CLEC2L: variants seen among roughly 807,000 people sequenced by gnomAD.
The protein encoded by CLEC2L is C-type lectin domain family 2 member L, also known as C-type lectin domain family 2, member L.
A neutral mutation model predicts 23.6 loss-of-function variants in CLEC2L; 14 were observed. That is an observed-to-expected ratio of 0.59 (90% CI 0.39 to 0.93). CLEC2L has a LOEUF of 0.93. CLEC2L is among the 40% of genes least tolerant of loss of function. The pLI, the probability that CLEC2L is intolerant of heterozygous loss-of-function variation, is 0.00. For synonymous variants in CLEC2L, 114 were observed against 121.3 expected (o/e 0.94, Z 0.40); for missense variants, 264 against 282.4 (o/e 0.93, Z 0.47).
Position 139,540,367 on chromosome 7 carries a change from G to A in CLEC2L, c.312G>A (p.Trp104Ter). ...IKCEAPCPED[W>*]LLYGRKCYFF... ...GCGAAGCGCCCTGCCCGGAGGACTG[G>A]CTGCTCTACGGAAGGAAGTGCTACT... Residue 104 changes from tryptophan (W) to a stop codon, truncating the protein, a stop_gained, in exon 3 of 5, where the codon TGG becomes TGA. Transcript: ENST00000422142. LOFTEE classifies it high-confidence loss of function. This position sits in a 1 kb window ranked among gnomAD's most constrained non-coding sequence, Gnocchi z 5.8. 1.2e-6 allele frequency: 2 copies of A among 1,611,864 alleles called. No individual in the cohort carries two copies. Among genetic ancestry groups the A allele is most frequent in the Non-Finnish European group, 1.7e-6 (2 of 1,179,282 alleles).
At chr7:139,537,047 C>A (rs1797669919) in intron 2 of CLEC2L, among the ~76,000 whole-genome samples, 1 of 147,822 alleles carries the variant, frequency 6.8e-6, no homozygotes, top group Non-Finnish European at 1.5e-5. Context: ...GTGTTAAGCT[C>A]TGGGCTAAGT....
chr7:139,535,356 C>T (rs1183709887), intron 1 of CLEC2L, among the ~76,000 whole-genome samples: 4 of 152,062 alleles, frequency 2.6e-5, no homozygotes, highest in Non-Finnish European at 4.4e-5. Flanking sequence ...AGGGTGGTTG[C>T]CCGGGGCTGG....
chr7:139,534,673 A>C, intron 1 of CLEC2L: 1 of 486,184 alleles, frequency 2.1e-6, no homozygotes, highest in African/African-American at 2.0e-5. Context: ...TACTCTAGCC[A>C]AGATTGGCTG....
intron 1 of CLEC2L, among the ~76,000 whole-genome samples, chr7:139,535,311 C>CAATTCA (rs1797637124): frequency 6.6e-6 from 1 of 152,132 alleles, no homozygotes; most frequent in African/African-American, 2.4e-5. Context: ...TATGAGATTC[C>CAATTCA]TAGAGTGGTC....
rs370711542 is a variant in CLEC2L, at chr7:139,529,485, G to C, written c.190+5368G>C. ...AAGAGGCTAATAGAAGGGAGAAGAA[G>C]GATGCACTCAGCATGCTCACCATAG... On this transcript the variant is annotated intron_variant, in intron 1 of 4. Coordinates refer to ENST00000422142, the MANE Select transcript of CLEC2L (RefSeq NM_001080511.4). Among the ~76,000 whole-genome samples, 55 of 152,304 alleles carry C rather than the reference G, an allele frequency of 3.6e-4. 1 individual carries two copies. The South Asian group carries it at 0.011, about 32-fold the overall frequency.
At chr7:139,534,636 C>T (rs908697082) in intron 1 of CLEC2L, 7 of 631,782 alleles carry the variant, frequency 1.1e-5, no homozygotes, top group Admixed American at 2.4e-5. Flanking sequence ...AGTTTTGTAT[C>T]ATAGTAATCC....
At chr7:139,532,725 CCT>C (rs1020057131) in intron 1 of CLEC2L, among the ~76,000 whole-genome samples, 1 of 152,144 alleles carries the variant, frequency 6.6e-6, no homozygotes, top group African/African-American at 2.4e-5. Flanking sequence ...ACCAGAACTT[CCT>C]CTCTCCGCTA....
intron 1 of CLEC2L, among the ~76,000 whole-genome samples, chr7:139,524,408 G>A (rs1475880314): frequency 6.6e-6 from 1 of 152,248 alleles, no homozygotes; most frequent in South Asian, 2.1e-4. Context: ...GTCTCCTCAC[G>A]CATGAAGGGG....
rs1797716476 is a variant in CLEC2L, at chr7:139,540,352, C to G, written c.297C>G (p.Pro99=). The change falls in exon 3 of 5, where the codon CCC becomes CCG. Residue 99 remains proline (P), a synonymous_variant. Transcript: ENST00000422142. This position sits in a 1 kb window ranked among gnomAD's most constrained non-coding sequence, Gnocchi z 5.8. ...ASKGCIKCEA[P]CPEDWLLYGR... is the part of the protein sequence containing the mutation. ...AGGGCTGCATCAAGTGCGAAGCGCC[C>G]TGCCCGGAGGACTGGCTGCTCTACG... is the stretch of plus-strand genomic sequence containing the variant. 5.0e-6 allele frequency: 8 copies of G among 1,611,688 alleles called. No homozygotes were observed. The East Asian group carries it at 1.8e-4, about 36-fold the overall frequency.
At chr7:139,536,228 C>A (rs529262325) in intron 1 of CLEC2L, 46 bp from the exon 2 acceptor site, 3 of 1,452,350 alleles carry the variant, frequency 2.1e-6, no homozygotes, top group South Asian at 2.5e-5. Flanking sequence ...GTGGGACTGG[C>A]GGTGGGATGG....
At chr7:139,528,153 C>T (rs1797531166) in intron 1 of CLEC2L, among the ~76,000 whole-genome samples, 1 of 152,008 alleles carries the variant, frequency 6.6e-6, no homozygotes, top group Non-Finnish European at 1.5e-5. Flanking sequence ...GAATTGTGTC[C>T]CTACCAAAAA....
At chr7:139,541,180 TG>T (rs1485314277) in intron 3 of CLEC2L, among the ~76,000 whole-genome samples, 1 of 152,076 alleles carries the variant, frequency 6.6e-6, no homozygotes, top group Non-Finnish European at 1.5e-5. Context: ...GGCTACTTTT[TG>T]TATTTTTAGT....
chr7:139,537,588 T>G (rs1257895300), intron 2 of CLEC2L, among the ~76,000 whole-genome samples: 1 of 152,080 alleles, frequency 6.6e-6, no homozygotes, highest in Non-Finnish European at 1.5e-5. Context: ...CCTCCCTGGT[T>G]TAGGGTGGGC....
rs1048844525 is a variant in CLEC2L at position 139,526,274 on chromosome 7, G to A, written c.190+2157G>A. ...GAAAGGTGTCCCAGACCCAGAGCAC[G>A]ATGTGTTCTGGGCCAGGTGGCCAGA... On this transcript the variant is annotated intron_variant, in intron 1 of 4. Transcript: ENST00000422142. 3.4e-4 allele frequency among the ~76,000 whole-genome samples: 51 copies of A among 152,128 alleles called. 1 individual carries two copies. The highest frequency in any genetic ancestry group is 8.8e-5 in the Non-Finnish European group (6 of 68,016).
intron 4 of CLEC2L, among the ~76,000 whole-genome samples, chr7:139,543,518 C>G (rs1332819092): frequency 1.3e-5 from 2 of 152,226 alleles, no homozygotes; most frequent in Non-Finnish European, 2.9e-5. Context: ...CCAGCCTTGG[C>G]AGGGATCGGA....
At chr7:139,534,033 A>G (rs977323145) in intron 1 of CLEC2L, among the ~76,000 whole-genome samples, 3 of 152,228 alleles carry the variant, frequency 2.0e-5, no homozygotes, top group East Asian at 1.9e-4. Flanking sequence ...AAAATTGTAA[A>G]GGGAATTCAC....
intron 1 of CLEC2L, among the ~76,000 whole-genome samples, chr7:139,531,951 A>T (rs575229310): frequency 6.6e-6 from 1 of 152,198 alleles, no homozygotes; most frequent in East Asian, 1.9e-4. Flanking sequence ...ATTTCCTGGA[A>T]CTGAAAAACA....
At chr7:139,524,162 C>T in intron 1 of CLEC2L, 45 bp downstream of exon 1, 1 of 1,179,176 alleles carries the variant, frequency 8.5e-7, no homozygotes, top group Non-Finnish European at 1.1e-6. Flanking sequence ...GGACCCCTGC[C>T]CAGGCCCGAC....
chr7:139,542,346 A>AT (rs1209179613), intron 4 of CLEC2L, among the ~76,000 whole-genome samples: 1 of 152,170 alleles, frequency 6.6e-6, no homozygotes, highest in Admixed American at 6.5e-5. Flanking sequence ...CTGCAAAGCC[A>AT]TCAGAGCTTC....
Sources: gnomAD v4.1 joint callset for allele counts (sites outside exome capture counted in the v4.1 genomes callset) on GRCh38, gnomAD v4.1.1 for gene constraint, Gnocchi (gnomAD v3.1) non-coding constraint, MANE v1.5 for transcripts, NCBI Gene and HGNC (gene_info 2026-07-23, HGNC 2026-07-21) for gene names.